Variants in PDIK1L observed in about 807,000 individuals in gnomAD.
PDIK1L encodes PDLIM1 interacting kinase 1 like, also known as serine/threonine-protein kinase PDIK1L.
PDIK1L carries 9 observed loss-of-function variants against 27.1 expected under a neutral mutation model. The ratio of observed to expected loss-of-function variants is 0.33; its 90% CI spans 0.20 to 0.58. PDIK1L has a LOEUF of 0.58. PDIK1L is among the 20% of genes least tolerant of loss of function. The pLI is 0.86. For synonymous variants in PDIK1L, 130 were observed against 141.7 expected, an observed-to-expected ratio of 0.92 and a Z score of 0.59; for missense variants, 216 against 413.2, an observed-to-expected ratio of 0.52 and a Z score of 4.14.
rs1458644475 is a variant in PDIK1L, at chr1:26,114,533, A to G, written c.225A>G (p.Leu75=). ...PNVIHLEECI[L]QKDGMVQKMS... ...TGATTCACTTGGAGGAATGCATCCTACAAAAGGATGGGATGGTGCAAAAGA... is the reference window on the plus strand; with the variant it reads ...TGATTCACTTGGAGGAATGCATCCTGCAAAAGGATGGGATGGTGCAAAAGA... The change falls in exon 2 of 3, where the codon CTA becomes CTG. Residue 75 remains leucine (L), a synonymous_variant. Transcript: ENST00000374269. This position sits in a 1 kb window ranked among gnomAD's most constrained non-coding sequence, Gnocchi z 4.8. The G allele has an allele frequency of 1.9e-6, 3 of 1,614,016 alleles. No individual in the cohort carries two copies. The highest frequency in any genetic ancestry group is 2.5e-6 in the Non-Finnish European group (3 of 1,179,984).
intron 2 of PDIK1L, among the ~76,000 whole-genome samples, chr1:26,118,312 C>A (rs1247094218): frequency 6.6e-6 from 1 of 152,122 alleles, no homozygotes; most frequent in African/African-American, 2.4e-5. Flanking sequence ...CAGAGTGGGA[C>A]CCTGTCTCAA....
intron 1 of PDIK1L, among the ~76,000 whole-genome samples, chr1:26,113,275 G>A (rs1340626926): frequency 6.6e-6 from 1 of 152,022 alleles, no homozygotes; most frequent in African/African-American, 2.4e-5. Context: ...GGATCACGAG[G>A]TCAGGTGATC....
intron 2 of PDIK1L, among the ~76,000 whole-genome samples, chr1:26,120,018 C>T (rs1411514985): frequency 6.6e-6 from 1 of 152,182 alleles, no homozygotes; most frequent in Non-Finnish European, 1.5e-5. Flanking sequence ...GGGCCTCAGT[C>T]AAGAGAAATC....
chr1:26,113,250 G>A (rs1191783342), intron 1 of PDIK1L, among the ~76,000 whole-genome samples: 1 of 152,160 alleles, frequency 6.6e-6, no homozygotes, highest in African/African-American at 2.4e-5. Context: ...AGCACTTTGG[G>A]AGGCCGAGGC....
rs2087997532 is a variant in PDIK1L at position 26,122,010 on chromosome 1, T to A, written c.459T>A (p.Ala153=). The A allele has an allele frequency of 6.2e-7, 1 of 1,613,964 alleles. No individual in the cohort carries two copies. Among genetic ancestry groups the A allele is most frequent in the Admixed American group, 1.7e-5 (1 of 59,988 alleles). ...TGCTTCAGCTGAGCAGTGCCCTGGC[T>A]TTCTTGCATAAAAACCAGATCATCC... The part of the protein sequence containing the change: ...SFMLQLSSAL[A]FLHKNQIIHR... The change falls in exon 3 of 3, where the codon GCT becomes GCA. Residue 153 remains alanine (A), a synonymous_variant. Coordinates refer to ENST00000374269, the MANE Select transcript of PDIK1L (RefSeq NM_152835.5). The surrounding 1 kb of genome is among the most constrained non-coding windows in gnomAD (Gnocchi z 5.4).
chr1:26,114,625 T>G lies in PDIK1L; in HGVS notation c.285+32T>G. On this transcript the variant is annotated intron_variant, in intron 2 of 2. Coordinates refer to ENST00000374269, the MANE Select transcript of PDIK1L (RefSeq NM_152835.5). The surrounding 1 kb of genome is among the most constrained non-coding windows in gnomAD (Gnocchi z 4.8). ...GTTGTTGATTGGGAAATAGAAATGA[T>G]TTGAACATGGCATTGGCCAGCAAGA... 6.3e-7 allele frequency: 1 copy of G among 1,599,894 alleles called. No homozygotes were observed. The highest frequency in any genetic ancestry group is 8.6e-7 in the Non-Finnish European group (1 of 1,169,534).
At chr1:26,117,496 T>G (rs2087899952) in intron 2 of PDIK1L, among the ~76,000 whole-genome samples, 1 of 152,234 alleles carries the variant, frequency 6.6e-6, no homozygotes, top group African/African-American at 2.4e-5. Context: ...CCAGGCATGA[T>G]GGTTCACACC....
At chr1:26,119,954 A>G (rs2087949792) in intron 2 of PDIK1L, among the ~76,000 whole-genome samples, 1 of 152,250 alleles carries the variant, frequency 6.6e-6, no homozygotes, top group Non-Finnish European at 1.5e-5. Flanking sequence ...AAGGTCTCAT[A>G]ACCCATGTTA....
upstream of PDIK1L, among the ~76,000 whole-genome samples, chr1:26,111,656 C>T (rs957869425): frequency 2.6e-5 from 4 of 151,588 alleles, no homozygotes; most frequent in Admixed American, 6.6e-5. This position sits in a 1 kb window ranked among gnomAD's most constrained non-coding sequence, Gnocchi z 4.0. Flanking sequence ...CGACGACTCC[C>T]GGCTCTGCAA....
chr1:26,123,220 CATT>C lies in PDIK1L; in HGVS notation c.*644_*646del, dbSNP rs1218772475. ...ATATACAGCTTTTTTTTTAAGGCATCATTTTCGAGGGTCTAAAATTATCTGGTA... is the reference window on the plus strand; with the variant it reads ...ATATACAGCTTTTTTTTTAAGGCATCTTCGAGGGTCTAAAATTATCTGGTA... On this transcript the variant is annotated 3_prime_UTR_variant, in exon 3 of 3. Coordinates refer to ENST00000374269, the MANE Select transcript of PDIK1L (RefSeq NM_152835.5). 5 of 134,478 alleles carry C rather than the reference CATT, an allele frequency of 3.7e-5. No individual in the cohort carries two copies. The highest frequency in any genetic ancestry group is 7.9e-5 in the Non-Finnish European group (5 of 62,994). 8.3% of individuals were successfully genotyped at this position (134,478 alleles called of 1,614,324 possible).
rs945819220 is a variant in PDIK1L, at chr1:26,122,143, T to A, written c.592T>A (p.Ser198Thr). ...TGATTTTGGTCTAAGTAAAGTTTGT[T>A]CAGCCTCTGGGCAGAACCCAGAAGA... is the stretch of plus-strand genomic sequence containing the variant. ...VADFGLSKVC[S>T]ASGQNPEEPV... Residue 198 changes from serine to threonine, a missense_variant, in exon 3 of 3, where the codon TCA becomes ACA. Ser to Thr is a moderately conservative substitution (Grantham distance 58). This residue lies in a region of PDIK1L where 169 missense variants were observed against 366.0 expected (regional missense o/e 0.46). Coordinates refer to ENST00000374269, the MANE Select transcript of PDIK1L (RefSeq NM_152835.5). This position sits in a 1 kb window ranked among gnomAD's most constrained non-coding sequence, Gnocchi z 5.4. 4 of 1,614,048 alleles carry A rather than the reference T, an allele frequency of 2.5e-6. No individual in the cohort carries two copies. Among genetic ancestry groups the A allele is most frequent in the Non-Finnish European group, 3.4e-6 (4 of 1,180,032 alleles).
rs1364011336 is a variant in PDIK1L at position 26,114,786 on chromosome 1, C to T, written c.285+193C>T. ...TTTATTTAAACCTGTGAGGCACATA[C>T]CTAAAAATAACATAAGCCACCTGTT... is the stretch of plus-strand genomic sequence containing the variant. On this transcript the variant is annotated intron_variant, in intron 2 of 2. Coordinates refer to ENST00000374269, the MANE Select transcript of PDIK1L (RefSeq NM_152835.5). The surrounding 1 kb of genome is among the most constrained non-coding windows in gnomAD (Gnocchi z 4.8). Among the ~76,000 whole-genome samples, 2 of 152,138 alleles carry T rather than the reference C, an allele frequency of 1.3e-5. No individual in the cohort carries two copies. Among genetic ancestry groups the T allele is most frequent in the Admixed American group, 6.5e-5 (1 of 15,272 alleles).
At chr1:26,116,797 C>T (rs973908307) in intron 2 of PDIK1L, among the ~76,000 whole-genome samples, 1 of 152,036 alleles carries the variant, frequency 6.6e-6, no homozygotes, top group African/African-American at 2.4e-5. Context: ...CTTACTGCCA[C>T]CTCCGCCTCC....
At chr1:26,117,991 C>T (rs1053206368) in intron 2 of PDIK1L, among the ~76,000 whole-genome samples, 3 of 150,380 alleles carry the variant, frequency 2.0e-5, no homozygotes, top group South Asian at 2.1e-4. Flanking sequence ...GCCTTGGAGG[C>T]GGAAGTTACA....
At chr1:26,115,138 A>T (rs2087857013) in intron 2 of PDIK1L, among the ~76,000 whole-genome samples, 1 of 152,264 alleles carries the variant, frequency 6.6e-6, no homozygotes, top group Non-Finnish European at 1.5e-5. Context: ...TTGAATTTGC[A>T]TGCAGTTCGA....
intron 2 of PDIK1L, among the ~76,000 whole-genome samples, chr1:26,121,401 CAGTA>C (rs1186668703): frequency 1.3e-5 from 2 of 152,164 alleles, no homozygotes; most frequent in African/African-American, 2.4e-5. Context: ...TCTGTGCAAT[CAGTA>C]AGAAGTATAT....
In PDIK1L at chr1:26,125,315, G is replaced by A. The variant is rs1053112349; in HGVS notation, c.*2738G>A. 1 of 152,520 alleles carries A rather than the reference G, an allele frequency of 6.6e-6. No individual in the cohort carries two copies. Among genetic ancestry groups the A allele is most frequent in the Non-Finnish European group, 1.5e-5 (1 of 68,004 alleles). The allele number at this position is 152,520 out of a possible 1,614,324, so 9.4% of individuals were successfully genotyped here. On this transcript the variant is annotated 3_prime_UTR_variant, in exon 3 of 3. Coordinates refer to ENST00000374269, the MANE Select transcript of PDIK1L (RefSeq NM_152835.5). ...CTCTTCGTTGTTGTTGTTTTTAATTGTAAATTGTTATCAATCAAACTATTG... is the reference window on the plus strand; with the variant it reads ...CTCTTCGTTGTTGTTGTTTTTAATTATAAATTGTTATCAATCAAACTATTG...
chr1:26,122,328 A>G lies in PDIK1L; in HGVS notation c.777A>G (p.Thr259=). ...AMLERITFID[T]ETKKELLGSY... ...TGGAAAGGATCACATTCATAGACAC[A>G]GAGACAAAGAAGGAACTCTTGGGGA... The change falls in exon 3 of 3, where the codon ACA becomes ACG. Residue 259 remains threonine, a synonymous_variant. Coordinates refer to ENST00000374269, the MANE Select transcript of PDIK1L (RefSeq NM_152835.5). This position sits in a 1 kb window ranked among gnomAD's most constrained non-coding sequence, Gnocchi z 5.4. 6.2e-7 allele frequency: 1 copy of G among 1,614,212 alleles called. No individual in the cohort carries two copies. The highest frequency in any genetic ancestry group is 8.5e-7 in the Non-Finnish European group (1 of 1,180,020).
At position 26,123,337 on chromosome 1, in the gene PDIK1L, A is replaced by G. The variant is rs879089238; in HGVS notation, c.*760A>G. On this transcript the variant is annotated 3_prime_UTR_variant, in exon 3 of 3. Transcript: ENST00000374269. ...GCTGCAAGAGTTGAATTAGTCATGC[A>G]GTCATATGGCAGCAGGTTGGTGATT... is the stretch of plus-strand genomic sequence containing the variant. 1.3e-5 allele frequency: 2 copies of G among 152,242 alleles called. No individual in the cohort carries two copies. The highest frequency in any genetic ancestry group is 4.8e-5 in the African/African-American group (2 of 41,452). The allele number at this position is 152,242 out of a possible 1,614,324, so 9.4% of individuals were successfully genotyped here. A position where few individuals can be genotyped will look rare whatever the true frequency, so the allele number is the denominator to read the frequency against.
Sources: allele counts gnomAD v4.1 joint callset (sites outside exome capture counted in the v4.1 genomes callset), GRCh38; gene constraint gnomAD v4.1.1; regional missense constraint gnomAD v4.1.1; non-coding constraint Gnocchi (gnomAD v3.1); transcripts MANE v1.5; gene names NCBI Gene and HGNC (gene_info 2026-07-23, HGNC 2026-07-21).